The following F13B variants were observed in gnomAD, a reference collection of about 807,000 sequenced individuals.
F13B encodes coagulation factor XIII B chain.
In F13B, 58 loss-of-function variants were observed where a neutral mutation model predicts 79.8. The observed-to-expected ratio is 0.73, with a 90% CI of 0.59 to 0.90. F13B has a LOEUF of 0.90. Among genes scored for constraint, F13B ranks in the 40% least tolerant of loss-of-function variants. The pLI is 0.00. For synonymous variants in F13B, 283 were observed against 260.3 expected (o/e 1.09, Z -0.84); for missense variants, 773 against 777.0 (o/e 0.99, Z 0.06).
intron 10 of F13B, among the ~76,000 whole-genome samples, chr1:197,044,106 T>C (rs1199022178): frequency 6.6e-6 from 1 of 151,916 alleles, no homozygotes; most frequent in Non-Finnish European, 1.5e-5. Flanking sequence ...GAGAGATTTG[T>C]TTCTGATTTG....
At chr1:197,063,136 CTA>C (rs1231726114) in intron 1 of F13B, 79 bp from the exon 2 acceptor site, 30 of 1,322,974 alleles carry the variant, frequency 2.3e-5, no homozygotes, top group African/African-American at 1.5e-5. Context: ...ACAATACAAA[CTA>C]AAAGTTTTTA....
At chr1:197,060,810 A>C in intron 4 of F13B, 89 bp downstream of exon 4, 2 of 1,245,736 alleles carry the variant, frequency 1.6e-6, no homozygotes, top group Non-Finnish European at 2.4e-6. Flanking sequence ...GAAAAGGTGA[A>C]ACATAATGAG....
Position 197,055,760 on chromosome 1 carries a change from A to C in F13B, c.1309T>G (p.Ser437Ala). 1 of 1,613,604 alleles carries C rather than the reference A, an allele frequency of 6.2e-7. No individual in the cohort carries two copies. The highest frequency in any genetic ancestry group is 8.5e-7 in the Non-Finnish European group (1 of 1,179,738). ...EYYLLRGSKI[S>A]RCEQGKWSSP... ...GACCATTTTCCTTGTTCGCAACGAGATATTTTTGATCCCCTCAGTAAGTAA... is the reference window on the plus strand; with the variant it reads ...GACCATTTTCCTTGTTCGCAACGAGCTATTTTTGATCCCCTCAGTAAGTAA... Residue 437 changes from serine to alanine, a missense_variant, in exon 8 of 12, where the codon TCT becomes GCT. Physicochemically the swap from Ser to Ala is moderately conservative, Grantham distance 99. Coordinates refer to ENST00000367412, the MANE Select transcript of F13B (RefSeq NM_001994.3).
At position 197,060,989 on chromosome 1, in the gene F13B, A is replaced by G; in HGVS notation, c.538T>C (p.Cys180Arg). 1 of 1,611,622 alleles carries G rather than the reference A, an allele frequency of 6.2e-7. No homozygotes were observed. The highest frequency in any genetic ancestry group is 8.5e-7 in the Non-Finnish European group (1 of 1,178,000). The change falls in exon 4 of 12, where the codon TGT becomes CGT. Residue 180 changes from cysteine to arginine, a missense_variant. Physicochemically the swap from Cys to Arg is radical, Grantham distance 180 (BLOSUM62 -3). Transcript: ENST00000367412. Reference protein sequence around the residue: ...FKVKDKVQYECATGYYTAGGK... With the variant: ...FKVKDKVQYERATGYYTAGGK... The stretch of plus-strand genomic sequence containing the variant: ...CCAGCTGTGTAGTAGCCAGTAGCAC[A>G]TTCGTATTGTACTTTGTCCTTCACT...
chr1:197,041,777 G>T (rs1445559407), intron 10 of F13B, among the ~76,000 whole-genome samples: 1 of 152,108 alleles, frequency 6.6e-6, no homozygotes, highest in Non-Finnish European at 1.5e-5. Flanking sequence ...ATTATACACT[G>T]TGGCTTGTAA....
chr1:197,060,579 GTT>G, intron 4 of F13B, 37 bp from the exon 5 acceptor site: 1 of 1,432,740 alleles, frequency 7.0e-7, no homozygotes. Context: ...ACAAACAAAT[GTT>G]TATTTTTTCT....
intron 7 of F13B, 102 bp from the exon 8 acceptor site, chr1:197,055,999 A>G (rs1655628735): frequency 9.3e-7 from 1 of 1,077,178 alleles, no homozygotes. Flanking sequence ...AATTTAGGAC[A>G]ATTGTTTTAT....
chr1:197,045,749 G>A (rs747112478), intron 10 of F13B, among the ~76,000 whole-genome samples: 14 of 152,202 alleles, frequency 9.2e-5, no homozygotes, highest in East Asian at 3.9e-4. Context: ...GATGAACATC[G>A]ATGTGAAAAT....
At position 197,050,855 on chromosome 1, in the gene F13B, G is replaced by A; in HGVS notation, c.1580C>T (p.Pro527Leu). ...RKESKGMCTS[P>L]PLIKHGVIIS... ...AATGACTCCATGTTTAATAAGAGGAGGAGATGTGCACATTCCTTTAGATTC... is the reference window on the plus strand; with the variant it reads ...AATGACTCCATGTTTAATAAGAGGAAGAGATGTGCACATTCCTTTAGATTC... Residue 527 changes from proline to leucine, a missense_variant, in exon 10 of 12, where the codon CCT (proline) becomes CTT (leucine). Coordinates refer to ENST00000367412, the MANE Select transcript of F13B (RefSeq NM_001994.3). The A allele has an allele frequency of 6.2e-7, 1 of 1,613,082 alleles. No homozygotes were observed. Among genetic ancestry groups the A allele is most frequent in the Middle Eastern group, 1.7e-4 (1 of 6,054 alleles).
chr1:197,063,136 C>G lies in F13B; in HGVS notation c.65-79G>C, dbSNP rs969199784. The G allele has an allele frequency of 1.3e-5, 17 of 1,322,974 alleles. No homozygotes were observed. The East Asian group carries it at 3.9e-4, about 31-fold the overall frequency. The allele number at this position is 1,322,974 out of a possible 1,614,324, so 82.0% of individuals were successfully genotyped here. On this transcript the variant is annotated intron_variant, in intron 1 of 11. Coordinates refer to ENST00000367412, the MANE Select transcript of F13B (RefSeq NM_001994.3). The stretch of plus-strand genomic sequence containing the variant: ...ATTTGTAATCAGGTGACAATACAAA[C>G]TAAAAGTTTTTAGAGACACTTCAAC...
chr1:197,052,762 AC>A lies in F13B; in HGVS notation c.1426del (p.Val476SerfsTer6), dbSNP rs1291808678. 2 of 1,610,868 alleles carry A rather than the reference AC, an allele frequency of 1.2e-6. No individual in the cohort carries two copies. Among genetic ancestry groups the A allele is most frequent in the East Asian group, 4.5e-5 (2 of 44,698 alleles). ...AAAATCTATTAAATCTCCATGTAAG[AC>A]TTTCCCTTCATATTTCCACTTCATT... Reference protein sequence around the residue: ...IEMKWKYEGKVLHGDLIDFVC... With the variant: ...IEMKWKYEGKXLHGDLIDFVC... On this transcript the variant is annotated frameshift_variant, in exon 9 of 12. Transcript: ENST00000367412. LOFTEE classifies it high-confidence loss of function.
intron 2 of F13B, among the ~76,000 whole-genome samples, chr1:197,062,365 T>TC (rs1655895989): frequency 6.6e-6 from 1 of 152,166 alleles, no homozygotes. Flanking sequence ...GATTACCTTC[T>TC]CACAACTTTG....
chr1:197,044,313 T>A (rs17549430), intron 10 of F13B, among the ~76,000 whole-genome samples: 46,275 of 151,856 alleles, frequency 0.3, 8,830 homozygotes, highest in Middle Eastern at 0.45. Flanking sequence ...ACGACAGCGT[T>A]ATGGGGGGAG....
chr1:197,045,253 T>G (rs1655187425), intron 10 of F13B, among the ~76,000 whole-genome samples: 1 of 151,512 alleles, frequency 6.6e-6, no homozygotes, highest in Non-Finnish European at 1.5e-5. Context: ...ACAAACTACA[T>G]AGACTGAGAG....
At chr1:197,056,016 A>G (rs1158108806) in intron 7 of F13B, 119 bp from the exon 8 acceptor site, 8 of 1,019,740 alleles carry the variant, frequency 7.8e-6, no homozygotes, top group Middle Eastern at 3.1e-4. Context: ...TTATAAATTC[A>G]TTACAAATAT....
chr1:197,064,835 G>C (rs766641073), intron 1 of F13B, among the ~76,000 whole-genome samples: 11 of 152,168 alleles, frequency 7.2e-5, no homozygotes, highest in African/African-American at 2.7e-4. Context: ...AGGAGCTGTG[G>C]TGGGAAGAAA....
chr1:197,047,559 C>T (rs1193265749), intron 10 of F13B, among the ~76,000 whole-genome samples: 1 of 152,112 alleles, frequency 6.6e-6, no homozygotes, highest in Admixed American at 6.6e-5. Flanking sequence ...TGAACTAGTT[C>T]AATCATTGTG....
intron 1 of F13B, 58 bp downstream of exon 1, chr1:197,067,102 T>C: frequency 1.0e-6 from 1 of 980,590 alleles, no homozygotes; most frequent in South Asian, 1.5e-5. Flanking sequence ...GTTGTATAAA[T>C]ATTAGAATCT....
intron 10 of F13B, 38 bp downstream of exon 10, chr1:197,050,659 A>G: frequency 2.5e-6 from 4 of 1,571,230 alleles, no homozygotes; most frequent in Middle Eastern, 3.4e-4. Context: ...AAAAATATAT[A>G]GTTTTACTTT....
Sources: allele counts gnomAD v4.1 joint callset (sites outside exome capture counted in the v4.1 genomes callset), GRCh38; gene constraint gnomAD v4.1.1; transcripts MANE v1.5; gene names NCBI Gene and HGNC (gene_info 2026-07-23, HGNC 2026-07-21).